RMND1: variants seen among roughly 807,000 people sequenced by gnomAD.
RMND1 encodes required for meiotic nuclear division 1 homolog.
Under a neutral mutation model 54.0 loss-of-function variants are expected in RMND1, and 41 were observed. That is an observed-to-expected ratio of 0.76 (90% CI 0.59 to 0.98). The LOEUF (loss-of-function observed/expected upper bound fraction) is 0.98. Among genes scored for constraint, RMND1 ranks in the 50% least tolerant of loss-of-function variants. The probability of loss-of-function intolerance (pLI) is 0.00; values close to 1 mark genes in which losing one functional copy is unlikely to be tolerated. For synonymous variants in RMND1, 183 were observed against 181.7 expected, an observed-to-expected ratio of 1.01 and a Z score of -0.06; for missense variants, 457 against 532.0, an observed-to-expected ratio of 0.86 and a Z score of 1.39.
intron 10 of RMND1, among the ~76,000 whole-genome samples, chr6:151,406,222 A>G (rs900787252): frequency 6.6e-6 from 1 of 152,198 alleles, no homozygotes; most frequent in Non-Finnish European, 1.5e-5. Context: ...GACCTGCTGT[A>G]CACACACCAC....
intron 10 of RMND1, among the ~76,000 whole-genome samples, chr6:151,410,627 G>A (rs1011339569): frequency 1.3e-5 from 2 of 152,152 alleles, no homozygotes; most frequent in Non-Finnish European, 2.9e-5. Flanking sequence ...GTCCCACAGT[G>A]AGACTGGGGA....
chr6:151,441,740 A>C (rs13437285), intron 2 of RMND1, among the ~76,000 whole-genome samples: 12,864 of 152,200 alleles, frequency 0.085, 1,605 homozygotes, highest in African/African-American at 0.27. Flanking sequence ...GAAGCTCCTA[A>C]GTTCCAGGCC....
chr6:151,433,321 AT>A (rs1349340962), intron 3 of RMND1, 91 bp from the exon 4 acceptor site: 9 of 749,546 alleles, frequency 1.2e-5, no homozygotes, highest in Non-Finnish European at 2.0e-5. Context: ...AGTACTTAAG[AT>A]CATTTCTTTA....
intron 9 of RMND1, 92 bp from the exon 10 acceptor site, chr6:151,417,491 A>G (rs1780039355): frequency 9.0e-7 from 1 of 1,115,606 alleles, no homozygotes; most frequent in Non-Finnish European, 1.2e-6. Flanking sequence ...CTTTATGAAA[A>G]CTTTTTTTTT....
intron 10 of RMND1, among the ~76,000 whole-genome samples, chr6:151,410,969 TA>T (rs1362960277): frequency 1.3e-5 from 2 of 152,138 alleles, no homozygotes; most frequent in African/African-American, 4.8e-5. Flanking sequence ...ATTTATTAAT[TA>T]TTTTTTTGGA....
chr6:151,423,574 AT>A lies in RMND1; in HGVS notation c.887del (p.Asp296ValfsTer5). 6.2e-7 allele frequency: 1 copy of A among 1,614,076 alleles called. No homozygotes were observed. The highest frequency in any genetic ancestry group is 8.5e-7 in the Non-Finnish European group (1 of 1,179,960). On this transcript the variant is annotated frameshift_variant, in exon 7 of 12. Coordinates refer to ENST00000444024, the MANE Select transcript of RMND1 (RefSeq NM_017909.4). LOFTEE classifies it high-confidence loss of function. Reference protein sequence around the residue: ...EIKLNSELDLDDAILEKFAFS... With the variant: ...EIKLNSELDLXDAILEKFAFS... Reference sequence around the variant, plus strand: ...AAGCAAACTTCTCTAGAATGGCATCATCTAAATCCAGCTCTGAATTTAACTT... The same window carrying A: ...AAGCAAACTTCTCTAGAATGGCATCACTAAATCCAGCTCTGAATTTAACTT...
At chr6:151,422,084 T>C (rs537989759) in intron 8 of RMND1, among the ~76,000 whole-genome samples, 27 of 152,356 alleles carry the variant, frequency 1.8e-4, no homozygotes, top group African/African-American at 6.0e-4. Flanking sequence ...AAGTTTACTG[T>C]AGTTTTCTTA....
chr6:151,423,448 C>A, intron 7 of RMND1, 77 bp downstream of exon 7: 1 of 911,540 alleles, frequency 1.1e-6, no homozygotes, highest in South Asian at 1.5e-5. Context: ...GAAAATATAC[C>A]AAAATCGTGA....
chr6:151,423,636 G>A lies in RMND1; in HGVS notation c.831-5C>T. ...CTGTGAAGTTTTGACTGTCCCCTGT[G>A]AAAAGCAAAAAGATAATACCTTCTA... On this transcript the variant is annotated splice_region_variant and splice_polypyrimidine_tract_variant and intron_variant, in intron 6 of 11. Coordinates refer to ENST00000444024, the MANE Select transcript of RMND1 (RefSeq NM_017909.4). 6.3e-7 allele frequency: 1 copy of A among 1,591,216 alleles called. No homozygotes were observed. Among genetic ancestry groups the A allele is most frequent in the Non-Finnish European group, 8.6e-7 (1 of 1,159,758 alleles).
intron 1 of RMND1, among the ~76,000 whole-genome samples, chr6:151,447,875 G>A (rs926543396): frequency 2.1e-5 from 3 of 143,790 alleles, no homozygotes; most frequent in Admixed American, 1.4e-4. Flanking sequence ...GTGCAGTGGT[G>A]CCACCTCAGC....
chr6:151,445,388 G>C lies in RMND1; in HGVS notation c.424C>G (p.Pro142Ala), dbSNP rs1169934777. The change falls in exon 2 of 12, where the codon CCA (proline) becomes GCA (alanine). Residue 142 changes from proline (P) to alanine (A), a missense_variant. Transcript: ENST00000444024. ...GCTTTTAGTGGTCTCTTCACCTGTG[G>C]GAAGTCTTGTTTTGGAACAAATGTT... ...TETFVPKQDF[P>A]QVKRPLKASR... is the part of the protein sequence containing the mutation. 1.2e-6 allele frequency: 2 copies of C among 1,613,942 alleles called. No individual in the cohort carries two copies. The highest frequency in any genetic ancestry group is 1.3e-5 in the African/African-American group (1 of 75,034).
intron 10 of RMND1, among the ~76,000 whole-genome samples, chr6:151,416,234 C>G (rs1780002352): frequency 6.6e-6 from 1 of 152,082 alleles, no homozygotes; most frequent in African/African-American, 2.4e-5. Context: ...CCACCTCTAG[C>G]CTCACAAAGT....
intron 3 of RMND1, among the ~76,000 whole-genome samples, chr6:151,435,348 G>A (rs781604782): frequency 6.6e-6 from 1 of 151,940 alleles, no homozygotes; most frequent in Non-Finnish European, 1.5e-5. Context: ...GTTTCACCAT[G>A]TTGGCCAGGC....
intron 8 of RMND1, 31 bp downstream of exon 8, chr6:151,422,510 C>T (rs767567439): frequency 2.9e-5 from 31 of 1,085,788 alleles, no homozygotes; most frequent in Non-Finnish European, 6.6e-6. Context: ...AAAAATCAAT[C>T]CTTGAATAAG....
At chr6:151,441,326 T>C (rs1260072583) in intron 2 of RMND1, among the ~76,000 whole-genome samples, 1 of 152,212 alleles carries the variant, frequency 6.6e-6, no homozygotes, top group Non-Finnish European at 1.5e-5. Context: ...TACAGACTCC[T>C]AAAAACCCCT....
At chr6:151,418,178 C>T (rs76010945) in intron 9 of RMND1, among the ~76,000 whole-genome samples, 25,543 of 151,978 alleles carry the variant, frequency 0.17, 2,346 homozygotes, top group East Asian at 0.35. Flanking sequence ...CTTTGGAAGG[C>T]CAAGGCGGGC....
intron 2 of RMND1, among the ~76,000 whole-genome samples, chr6:151,438,504 C>T (rs999838476): frequency 9.2e-5 from 14 of 152,316 alleles, no homozygotes; most frequent in East Asian, 1.9e-4. Flanking sequence ...TTGCTAGAAT[C>T]GGAGTTGTAA....
Position 151,421,025 on chromosome 6 carries a change from G to A in RMND1, c.1079+220C>T, listed in dbSNP as rs905223550. 5 of 400,442 alleles carry A rather than the reference G, an allele frequency of 1.2e-5. No individual in the cohort carries two copies. The East Asian group carries it at 1.6e-4, about 13-fold the overall frequency. 24.8% of individuals were successfully genotyped at this position (400,442 alleles called of 1,614,324 possible). A position where few individuals can be genotyped will look rare whatever the true frequency, so the allele number is the denominator to read the frequency against. ...AATGTGGGTTTAATGTAGATGAATC[G>A]TGATCTCTTTTGCACATGCGTGATT... On this transcript the variant is annotated intron_variant, in intron 9 of 11. Coordinates refer to ENST00000444024, the MANE Select transcript of RMND1 (RefSeq NM_017909.4).
intron 8 of RMND1, 101 bp downstream of exon 8, chr6:151,422,432 AAATCTCCC>A: frequency 1.9e-6 from 1 of 530,204 alleles, no homozygotes; most frequent in East Asian, 3.3e-5. Flanking sequence ...GTCTTGGAAC[AAATCTCCC>A]ATGGATACTG....
Sources: gnomAD v4.1 joint callset for allele counts (sites outside exome capture counted in the v4.1 genomes callset) on GRCh38, gnomAD v4.1.1 for gene constraint, MANE v1.5 for transcripts, NCBI Gene and HGNC (gene_info 2026-07-23, HGNC 2026-07-21) for gene names.